The following PCDH19 variants were observed in gnomAD, a reference collection of about 807,000 sequenced individuals.
PCDH19 encodes the protein protocadherin 19.
In PCDH19, 6 loss-of-function variants were observed where a neutral mutation model predicts 46.2. The observed-to-expected ratio is 0.13, with a 90% CI of 0.07 to 0.26. The LOEUF is 0.26. Ranked by LOEUF, PCDH19 falls within the 10% of genes least tolerant of loss-of-function variation. PCDH19 has a pLI of 1.00. For synonymous variants in PCDH19, 481 were observed against 415.7 expected, an observed-to-expected ratio of 1.16 and a Z score of -1.91; for missense variants, 740 against 972.3, an observed-to-expected ratio of 0.76 and a Z score of 3.18.
rs1167919280 is a variant in PCDH19, at chrX:100,341,914, A to G, written c.2837T>C (p.Met946Thr). The G allele has an allele frequency of 1.7e-5, 21 of 1,208,479 alleles. No homozygotes were observed. Among genetic ancestry groups the G allele is most frequent in the Non-Finnish European group, 2.3e-5 (21 of 893,882 alleles). ...CAACCAGTCCTTACCATGATCAGGCATCTGAGATCCCATGGAGGTCACACT... is the reference window on the plus strand; with the variant it reads ...CAACCAGTCCTTACCATGATCAGGCGTCTGAGATCCCATGGAGGTCACACT... Reference protein sequence around the residue: ...NTSVTSMGSQMPDHDQNEGFH... With the variant: ...NTSVTSMGSQTPDHDQNEGFH... The change falls in exon 5 of 6, where the codon ATG becomes ACG. Residue 946 changes from methionine to threonine, a missense_variant. Around this residue, in one of 5 missense-constraint regions of PCDH19, gnomAD observed 416 missense variants for 476.8 expected, o/e 0.87. Coordinates refer to ENST00000373034, the MANE Select transcript of PCDH19 (RefSeq NM_001184880.2).
In PCDH19 at chrX:100,322,866, T is replaced by TA. The variant is rs1491391280; in HGVS notation, c.2848+19036_2848+19037insT. 1.1e-3 allele frequency among the ~76,000 whole-genome samples: 39 copies of TA among 36,854 alleles called. 1 individual carries two copies. Among genetic ancestry groups the TA allele is most frequent in the East Asian group, 8.4e-3 (23 of 2,729 alleles). The allele number at this position is 36,854 out of a possible 115,157, so 32.0% of individuals were successfully genotyped here. On this transcript the variant is annotated intron_variant, in intron 5 of 5. Coordinates refer to ENST00000373034, the MANE Select transcript of PCDH19 (RefSeq NM_001184880.2). ...ATATATATATATATATATATATATA[T>TA]TTTTGCAGCTATTGTAAAAGGGGTT...
chrX:100,394,765 T>TA (rs1461846770), intron 3 of PCDH19, among the ~76,000 whole-genome samples: 4 of 111,671 alleles, frequency 3.6e-5, no homozygotes, highest in African/African-American at 1.3e-4. Flanking sequence ...TTTAATTAAG[T>TA]AAAAATCAAA....
Position 100,375,072 on chromosome X carries a change from A to G in PCDH19, c.2617-24368T>C, listed in dbSNP as rs180828768. Among the ~76,000 whole-genome samples, 627 of 112,739 alleles carry G rather than the reference A, an allele frequency of 5.6e-3. 5 individuals carry two copies. Among genetic ancestry groups the G allele is most frequent in the African/African-American group, 0.019 (597 of 31,078 alleles). On this transcript the variant is annotated intron_variant, in intron 3 of 5. Coordinates refer to ENST00000373034, the MANE Select transcript of PCDH19 (RefSeq NM_001184880.2). ...AAAGGTTTGGGGACAGCATTAGGGAAGAATAAAGTCTGTGTCTAGATGTTC... is the reference window on the plus strand; with the variant it reads ...AAAGGTTTGGGGACAGCATTAGGGAGGAATAAAGTCTGTGTCTAGATGTTC...
intron 5 of PCDH19, among the ~76,000 whole-genome samples, chrX:100,326,528 A>C (rs1925702564): frequency 9.0e-6 from 1 of 111,674 alleles, no homozygotes; most frequent in Non-Finnish European, 1.9e-5. Context: ...CCGTGAAGCA[A>C]GAGAGGGAGA....
chrX:100,340,826 T>A (rs1926232964), intron 5 of PCDH19, among the ~76,000 whole-genome samples: 1 of 112,315 alleles, frequency 8.9e-6, no homozygotes, highest in South Asian at 3.7e-4. Flanking sequence ...AACAAAAGCA[T>A]TTAATGATGT....
chrX:100,402,829 G>C lies in PCDH19; in HGVS notation c.2311C>G (p.His771Asp). The C allele has an allele frequency of 1.7e-6, 2 of 1,207,827 alleles. No individual in the cohort carries two copies. The highest frequency in any genetic ancestry group is 1.1e-6 in the Non-Finnish European group (1 of 892,494). ...TTCTTCTTGCTTGATTTCTTTTGATGCCCATAGGAGTACTCAGCAATTCTA... is the reference window on the plus strand; with the variant it reads ...TTCTTCTTGCTTGATTTCTTTTGATCCCCATAGGAGTACTCAGCAATTCTA... ...GKRIAEYSYG[H>D]QKKSSKKKKI... Residue 771 changes from histidine (H) to aspartate (D), a missense_variant, in exon 3 of 6, where the codon CAT becomes GAT. This residue lies in a region of PCDH19 where 416 missense variants were observed against 476.8 expected (regional missense o/e 0.87). Transcript: ENST00000373034.
At chrX:100,329,053 T>G (rs1274801544) in intron 5 of PCDH19, among the ~76,000 whole-genome samples, 1 of 112,304 alleles carries the variant, frequency 8.9e-6, no homozygotes, top group East Asian at 2.8e-4. Flanking sequence ...TCAGCTGAAT[T>G]CAGCAAGTGC....
chrX:100,302,586 G>T (rs1021000733), intron 5 of PCDH19, among the ~76,000 whole-genome samples: 1 of 111,981 alleles, frequency 8.9e-6, no homozygotes, highest in Non-Finnish European at 1.9e-5. Context: ...CAACATCTGT[G>T]GGATGCAAAA....
At position 100,409,464 on chromosome X, in the gene PCDH19, GT is replaced by G; in HGVS notation, c.-868del. On this transcript the variant is annotated 5_prime_UTR_variant, in exon 1 of 6. Coordinates refer to ENST00000373034, the MANE Select transcript of PCDH19 (RefSeq NM_001184880.2). ...ACAGAGCAGTTGAGGGTCTGCGGGC[GT>G]TTTCGTCTAGGAAATCAAAGTTAAC... The G allele has an allele frequency of 8.4e-6, 1 of 118,571 alleles. No individual in the cohort carries two copies. The highest frequency in any genetic ancestry group is 1.8e-5 in the Non-Finnish European group (1 of 57,093). 9.8% of individuals were successfully genotyped at this position (118,571 alleles called of 1,213,427 possible). A position where few individuals can be genotyped will look rare whatever the true frequency, so the allele number is the denominator to read the frequency against.
chrX:100,389,268 C>A (rs1602624611), intron 3 of PCDH19, among the ~76,000 whole-genome samples: 1 of 110,734 alleles, frequency 9.0e-6, no homozygotes, highest in East Asian at 2.8e-4. Context: ...GTATCCCTAG[C>A]ACCTTGAATA....
chrX:100,388,012 A>C (rs188991299), intron 3 of PCDH19, among the ~76,000 whole-genome samples: 2 of 111,462 alleles, frequency 1.8e-5, no homozygotes, highest in East Asian at 5.6e-4. Flanking sequence ...ATTACGGTTA[A>C]TTTAAGTAAT....
intron 3 of PCDH19, among the ~76,000 whole-genome samples, chrX:100,399,450 ATCTC>A (rs1042064440): frequency 4.5e-5 from 5 of 111,686 alleles, no homozygotes; most frequent in African/African-American, 9.8e-5. Flanking sequence ...TGTCTTTTTC[ATCTC>A]TCTAACGCCA....
intron 3 of PCDH19, among the ~76,000 whole-genome samples, chrX:100,370,848 A>G (rs1290775139): frequency 9.0e-6 from 1 of 111,460 alleles, no homozygotes; most frequent in African/African-American, 3.3e-5. Flanking sequence ...AAAGGACAAG[A>G]AAAAACAAAT....
intron 5 of PCDH19, among the ~76,000 whole-genome samples, chrX:100,297,841 T>C (rs1448442147): frequency 4.5e-5 from 5 of 111,233 alleles, no homozygotes; most frequent in African/African-American, 1.3e-4. Context: ...TGCCTGTTAC[T>C]GGAAAACTGT....
chrX:100,345,773 G>C (rs1323891649), intron 4 of PCDH19, among the ~76,000 whole-genome samples: 1 of 111,629 alleles, frequency 9.0e-6, no homozygotes, highest in Admixed American at 9.5e-5. Flanking sequence ...CCAAACCTTG[G>C]AATAGTTAAC....
intron 4 of PCDH19, among the ~76,000 whole-genome samples, chrX:100,349,772 C>A (rs1197980231): frequency 8.9e-6 from 1 of 112,576 alleles, no homozygotes; most frequent in Non-Finnish European, 1.9e-5. Context: ...AACAGCAATA[C>A]AGGCATCATT....
chrX:100,366,073 T>G (rs759704680), intron 3 of PCDH19, among the ~76,000 whole-genome samples: 1 of 111,962 alleles, frequency 8.9e-6, no homozygotes, highest in Non-Finnish European at 1.9e-5. Context: ...CCCAAGGAAA[T>G]AGACTGCCTT....
intron 5 of PCDH19, among the ~76,000 whole-genome samples, chrX:100,302,943 G>T (rs1295145296): frequency 1.8e-5 from 2 of 111,689 alleles, no homozygotes; most frequent in Non-Finnish European, 3.8e-5. Flanking sequence ...CCCAGATACT[G>T]TGCAACTCCT....
intron 4 of PCDH19, among the ~76,000 whole-genome samples, 176 bp downstream of exon 4, chrX:100,350,470 G>A (rs887857510): frequency 2.7e-5 from 3 of 111,790 alleles, no homozygotes; most frequent in African/African-American, 9.8e-5. Context: ...GAAATTACCA[G>A]TGATGTTTAT....
Sources: gnomAD v4.1 joint callset for allele counts (sites outside exome capture counted in the v4.1 genomes callset) on GRCh38, gnomAD v4.1.1 for gene constraint, gnomAD v4.1.1 regional missense constraint, MANE v1.5 for transcripts, NCBI Gene and HGNC (gene_info 2026-07-23, HGNC 2026-07-21) for gene names.